The following TNRC6C variants were observed in gnomAD, a reference collection of about 807,000 sequenced individuals.
TNRC6C encodes trinucleotide repeat-containing gene 6C protein.
A neutral mutation model predicts 153.7 loss-of-function variants in TNRC6C; 20 were observed. That is an observed-to-expected ratio of 0.13 (90% CI 0.09 to 0.19). The LOEUF (loss-of-function observed/expected upper bound fraction) is 0.19. Ranked by LOEUF, TNRC6C falls within the 10% of genes least tolerant of loss-of-function variation. The pLI is 1.00. For synonymous variants in TNRC6C, 811 were observed against 841.4 expected (o/e 0.96, Z 0.63); for missense variants, 1,987 against 2,172.0 (o/e 0.91, Z 1.69).
intron 1 of TNRC6C, among the ~76,000 whole-genome samples, chr17:77,961,483 A>G (rs2070862328): frequency 1.3e-5 from 2 of 148,552 alleles, no homozygotes; most frequent in Admixed American, 6.6e-5. Flanking sequence ...ATGAAATTAA[A>G]TACGGTTGAT....
chr17:78,072,489 G>A lies in TNRC6C; in HGVS notation c.2860-548G>A, dbSNP rs551851779. ...TCACTGGGACAGGAATCCTGTCCTA[G>A]GAGAGCATCCTGTCCTCATGGCAGG... is the stretch of plus-strand genomic sequence containing the variant. On this transcript the variant is annotated intron_variant, in intron 6 of 19. Transcript: ENST00000301624. Among the ~76,000 whole-genome samples the A allele has an allele frequency of 3.3e-5, 5 of 152,280 alleles. No individual in the cohort carries two copies. In the East Asian group the frequency reaches 5.8e-4, roughly 18 times the overall value.
At chr17:78,019,127 A>G (rs145937317) in intron 1 of TNRC6C, among the ~76,000 whole-genome samples, 132 of 152,284 alleles carry the variant, frequency 8.7e-4, no homozygotes, top group African/African-American at 3.0e-3. Context: ...AGATGACGAT[A>G]TTGAAGTGAC....
chr17:78,027,602 A>G (rs771571166), intron 1 of TNRC6C, among the ~76,000 whole-genome samples: 2 of 152,208 alleles, frequency 1.3e-5, no homozygotes, highest in Non-Finnish European at 2.9e-5. Context: ...TTGAAGACCC[A>G]GGACACGCAA....
chr17:78,105,054 T>A (rs1037309844), exon 20 of TNRC6C: 8 of 454,746 alleles, frequency 1.8e-5, no homozygotes, highest in Non-Finnish European at 2.9e-5. Flanking sequence ...AATGACAGGA[T>A]GTTCCTCGTA....
chr17:77,966,002 G>A (rs2070893963), intron 1 of TNRC6C, among the ~76,000 whole-genome samples: 1 of 152,200 alleles, frequency 6.6e-6, no homozygotes. Context: ...GGGCCTGTGG[G>A]CTGCAGTGGT....
exon 4 of TNRC6C, chr17:78,064,852 C>G: frequency 6.2e-7 from 1 of 1,613,190 alleles, no homozygotes; most frequent in Non-Finnish European, 8.5e-7. Context: ...GCAGTGGCAG[C>G]GGGTGGGGAG....
chr17:78,059,365 T>C (rs887038031), intron 3 of TNRC6C, among the ~76,000 whole-genome samples: 5 of 152,218 alleles, frequency 3.3e-5, no homozygotes, highest in Non-Finnish European at 7.3e-5. Context: ...TTTGCTTTCC[T>C]GTGTTTGAGG....
chr17:78,055,719 C>T (rs910598884), intron 3 of TNRC6C, among the ~76,000 whole-genome samples: 1 of 152,186 alleles, frequency 6.6e-6, no homozygotes, highest in Non-Finnish European at 1.5e-5. Flanking sequence ...CTATGCCTGG[C>T]ACTGGAGTCG....
intron 2 of TNRC6C, among the ~76,000 whole-genome samples, chr17:78,045,469 C>A (rs192225070): frequency 6.6e-6 from 1 of 152,056 alleles, no homozygotes; most frequent in Non-Finnish European, 1.5e-5. Context: ...CCTCAAAGCC[C>A]GGGAAGGTCT....
At chr17:78,059,206 C>T (rs1231692468) in intron 3 of TNRC6C, among the ~76,000 whole-genome samples, 2 of 152,206 alleles carry the variant, frequency 1.3e-5, no homozygotes, top group African/African-American at 4.8e-5. Context: ...TTTCACATAA[C>T]TTCGGAAATA....
chr17:78,107,217 A>G (rs1055971884), exon 20 of TNRC6C: 1 of 152,080 alleles, frequency 6.6e-6, no homozygotes, highest in Non-Finnish European at 1.5e-5. Context: ...GAAGTCAAGA[A>G]TATGTTTGTT....
intron 1 of TNRC6C, among the ~76,000 whole-genome samples, chr17:78,013,866 A>T (rs2071680554): frequency 6.6e-6 from 1 of 152,222 alleles, no homozygotes; most frequent in South Asian, 2.1e-4. Flanking sequence ...GTATGAGGTG[A>T]GGCCAAAGTG....
At chr17:78,024,928 G>A (rs1022635273) in intron 1 of TNRC6C, among the ~76,000 whole-genome samples, 1 of 151,576 alleles carries the variant, frequency 6.6e-6, no homozygotes, top group Non-Finnish European at 1.5e-5. Context: ...CGAGTAGCTG[G>A]GATTACAGGT....
At chr17:78,007,323 A>C (rs2071538675) in intron 1 of TNRC6C, among the ~76,000 whole-genome samples, 1 of 152,366 alleles carries the variant, frequency 6.6e-6, no homozygotes, top group South Asian at 2.1e-4. Flanking sequence ...TGAATTATAA[A>C]TAATCTAACA....
intron 3 of TNRC6C, among the ~76,000 whole-genome samples, chr17:78,053,429 A>G (rs2072578619): frequency 6.6e-6 from 1 of 152,106 alleles, no homozygotes. Flanking sequence ...CAGGAGTTCG[A>G]GACCAGCCTG....
intron 1 of TNRC6C, among the ~76,000 whole-genome samples, chr17:78,020,315 A>C (rs931894261): frequency 6.6e-6 from 1 of 151,986 alleles, no homozygotes; most frequent in Non-Finnish European, 1.5e-5. Context: ...ATACTCCGGG[A>C]CCCTTGGTCT....
chr17:78,075,196 A>C lies in TNRC6C; in HGVS notation c.2978A>C (p.Asn993Thr). 1 of 1,609,118 alleles carries C rather than the reference A, an allele frequency of 6.2e-7. No individual in the cohort carries two copies. The highest frequency in any genetic ancestry group is 8.5e-7 in the Non-Finnish European group (1 of 1,177,756). ...CGTGGGCTGGGAGTGACCGACCATA[A>C]TGGAATGGCCGCCAAGCCCCTCGGC... The change falls in exon 8 of 20, where the codon AAT becomes ACT. Residue 993 changes from asparagine (N) to threonine (T), a missense_variant. Physicochemically the swap from Asn to Thr is moderately conservative, Grantham distance 65. Coordinates refer to ENST00000301624, the Ensembl canonical transcript of TNRC6C. The surrounding 1 kb of genome is among the most constrained non-coding windows in gnomAD (Gnocchi z 4.2).
chr17:78,038,879 A>G (rs2072234504), intron 2 of TNRC6C, among the ~76,000 whole-genome samples: 1 of 152,068 alleles, frequency 6.6e-6, no homozygotes, highest in Non-Finnish European at 1.5e-5. Context: ...AACTCATTTA[A>G]TCTTCTCAAG....
intron 1 of TNRC6C, among the ~76,000 whole-genome samples, chr17:78,028,074 A>G (rs1413212343): frequency 2.6e-5 from 4 of 151,492 alleles, no homozygotes; most frequent in African/African-American, 7.3e-5. Flanking sequence ...TTTTTTTTGT[A>G]TTTTTAGTAG....
Sources: gnomAD v4.1 joint callset for allele counts (sites outside exome capture counted in the v4.1 genomes callset) on GRCh38, gnomAD v4.1.1 for gene constraint, Gnocchi (gnomAD v3.1) non-coding constraint, MANE v1.5 for transcripts, NCBI Gene and HGNC (gene_info 2026-07-23, HGNC 2026-07-21) for gene names.